Variants in RHEB observed in about 807,000 individuals in gnomAD.
RHEB encodes the protein Ras homolog, mTORC1 binding.
RHEB carries 2 observed loss-of-function variants against 28.8 expected under a neutral mutation model. That is an observed-to-expected ratio of 0.07 (90% CI 0.03 to 0.22). The LOEUF (loss-of-function observed/expected upper bound fraction) is 0.22, where lower values mean the gene tolerates loss of function less well. Ranked by LOEUF, RHEB falls within the 10% of genes least tolerant of loss-of-function variation. The probability of loss-of-function intolerance (pLI) is 1.00; values close to 1 mark genes in which losing one functional copy is unlikely to be tolerated. For synonymous variants in RHEB, 69 were observed against 77.3 expected, an observed-to-expected ratio of 0.89 and a Z score of 0.56; for missense variants, 76 against 219.9, an observed-to-expected ratio of 0.35 and a Z score of 4.14.
chr7:151,481,230 C>G (rs1042673992), intron 3 of RHEB, among the ~76,000 whole-genome samples: 2 of 151,700 alleles, frequency 1.3e-5, no homozygotes, highest in Non-Finnish European at 2.9e-5. Flanking sequence ...TTCATGCAAT[C>G]TAAAAATAAT....
chr7:151,506,519 T>C (rs184775273), intron 1 of RHEB, among the ~76,000 whole-genome samples: 11 of 152,330 alleles, frequency 7.2e-5, no homozygotes, highest in Admixed American at 5.9e-4. Context: ...ATCTGGCATG[T>C]AGCAAGTGCT....
At chr7:151,467,259 T>C (rs764052422) in intron 7 of RHEB, 48 bp from the exon 8 acceptor site, 38 of 1,407,482 alleles carry the variant, frequency 2.7e-5, no homozygotes, top group Non-Finnish European at 3.6e-5. Context: ...GAAGCCGAAC[T>C]CCGAGAGTAT....
chr7:151,504,448 T>C (rs539465578), intron 1 of RHEB, among the ~76,000 whole-genome samples: 2 of 152,270 alleles, frequency 1.3e-5, no homozygotes, highest in East Asian at 1.9e-4. Context: ...TCTGCATATA[T>C]GAAAAGTCGG....
At chr7:151,477,305 C>G in intron 4 of RHEB, 28 bp downstream of exon 4, 1 of 1,329,530 alleles carries the variant, frequency 7.5e-7, no homozygotes, top group South Asian at 1.2e-5. Context: ...AGTAGCAAAT[C>G]AACTCAAGCA....
intron 1 of RHEB, among the ~76,000 whole-genome samples, chr7:151,517,511 G>C (rs1275730834): frequency 6.6e-6 from 1 of 151,974 alleles, no homozygotes; most frequent in African/African-American, 2.4e-5. Context: ...ACAGAAAATA[G>C]GGACTAAAAG....
rs750455196 is a variant in RHEB, at chr7:151,490,920, A to G, written c.124+23T>C. 5.7e-6 allele frequency: 9 copies of G among 1,566,156 alleles called. No homozygotes were observed. The African/African-American group carries it at 9.5e-5, about 16-fold the overall frequency. On this transcript the variant is annotated intron_variant, in intron 2 of 7. Coordinates refer to ENST00000262187, the MANE Select transcript of RHEB (RefSeq NM_005614.4). ...CACAAAAGAAGGCTTCTCAGTTTTT[A>G]AGTACTTGAAAACAATACTTACTGT...
At chr7:151,517,265 G>C (rs1803097733) in intron 1 of RHEB, among the ~76,000 whole-genome samples, 1 of 151,904 alleles carries the variant, frequency 6.6e-6, no homozygotes, top group East Asian at 1.9e-4. Flanking sequence ...CTACTCTGGA[G>C]GCTGAGGCAG....
At chr7:151,495,931 C>T (rs1802664731) in intron 1 of RHEB, among the ~76,000 whole-genome samples, 1 of 152,200 alleles carries the variant, frequency 6.6e-6, no homozygotes, top group Non-Finnish European at 1.5e-5. Flanking sequence ...CAGCCACGGT[C>T]TGTCCCCCCT....
chr7:151,496,072 A>C (rs986301624), intron 1 of RHEB, among the ~76,000 whole-genome samples: 2 of 152,234 alleles, frequency 1.3e-5, no homozygotes, highest in African/African-American at 4.8e-5. Flanking sequence ...GGGGGAGTCC[A>C]TTAGAACCGA....
chr7:151,493,505 G>A (rs926433263), intron 1 of RHEB, among the ~76,000 whole-genome samples: 2 of 152,128 alleles, frequency 1.3e-5, no homozygotes, highest in Non-Finnish European at 2.9e-5. Flanking sequence ...GCCAGCACAG[G>A]GCCAGCCGAC....
At position 151,511,710 on chromosome 7, in the gene RHEB, C is replaced by T. The variant is rs149682357; in HGVS notation, c.52+7750G>A. Among the ~76,000 whole-genome samples, 253 of 151,350 alleles carry T rather than the reference C, an allele frequency of 1.7e-3. 10 individuals carry two copies. In the East Asian group the frequency reaches 0.039, roughly 24 times the overall value. ...AGTCTTGCTCTGTCGCCCAGTGGCG[C>T]GATCTCGACTCACTGCAACCTCCCC... On this transcript the variant is annotated intron_variant, in intron 1 of 7. Transcript: ENST00000262187.
chr7:151,467,059 C>T lies in RHEB; in HGVS notation c.*60G>A, dbSNP rs913424846. On this transcript the variant is annotated 3_prime_UTR_variant, in exon 8 of 8. Transcript: ENST00000262187. ...AAGCATAGTTTATCTTCAAGGAGAA[C>T]GGGCAGTTTGCTTCTTCAGGTAGAA... The T allele has an allele frequency of 5.2e-5, 63 of 1,205,276 alleles. No individual in the cohort carries two copies. Among genetic ancestry groups the T allele is most frequent in the South Asian group, 2.3e-4 (19 of 82,194 alleles). The allele number at this position is 1,205,276 out of a possible 1,614,324, so 74.7% of individuals were successfully genotyped here.
intron 2 of RHEB, among the ~76,000 whole-genome samples, chr7:151,485,106 C>T (rs1802445477): frequency 6.6e-6 from 1 of 152,304 alleles, no homozygotes. Flanking sequence ...GCAAATCCTT[C>T]CTCTTGTGAA....
At chr7:151,506,188 CTTTT>C (rs574892432) in intron 1 of RHEB, among the ~76,000 whole-genome samples, 3 of 139,872 alleles carry the variant, frequency 2.1e-5, no homozygotes, top group Non-Finnish European at 4.7e-5. Flanking sequence ...AATGCATTTA[CTTTT>C]TTTTTTTTTT....
chr7:151,480,843 T>C (rs1290349166), intron 3 of RHEB, among the ~76,000 whole-genome samples: 1 of 152,092 alleles, frequency 6.6e-6, no homozygotes, highest in Non-Finnish European at 1.5e-5. Context: ...TACCACCATG[T>C]CTGGCTAATT....
At chr7:151,470,478 T>C in intron 7 of RHEB, 93 bp downstream of exon 7, 1 of 771,532 alleles carries the variant, frequency 1.3e-6, no homozygotes, top group Non-Finnish European at 2.2e-6. Context: ...TACACAGGAG[T>C]GATCAAGACA....
At chr7:151,500,804 C>T (rs113652365) in intron 1 of RHEB, among the ~76,000 whole-genome samples, 5 of 152,196 alleles carry the variant, frequency 3.3e-5, no homozygotes, top group Middle Eastern at 3.4e-3. Context: ...GGTCACATAA[C>T]GAAATCTCAT....
intron 1 of RHEB, among the ~76,000 whole-genome samples, chr7:151,507,409 A>ATTG (rs57797134): frequency 6.8e-6 from 1 of 146,548 alleles, no homozygotes; most frequent in Non-Finnish European, 1.5e-5. Flanking sequence ...ACATATATAT[A>ATTG]GTGTCACTAA....
intron 3 of RHEB, among the ~76,000 whole-genome samples, chr7:151,480,151 C>A (rs914002565): frequency 1.2e-4 from 19 of 152,102 alleles, no homozygotes; most frequent in African/African-American, 3.9e-4. Context: ...CCTATGATAG[C>A]CCACATCCAG....
Sources: gnomAD v4.1 joint callset for allele counts (sites outside exome capture counted in the v4.1 genomes callset) on GRCh38, gnomAD v4.1.1 for gene constraint, MANE v1.5 for transcripts, NCBI Gene and HGNC (gene_info 2026-07-23, HGNC 2026-07-21) for gene names.